The following NAV1 variants were observed in gnomAD, a reference collection of about 807,000 sequenced individuals.
NAV1 encodes neuron navigator 1, also known as pore membrane and/or filament interacting like protein 3.
A neutral mutation model predicts 175.2 loss-of-function variants in NAV1; 18 were observed. The observed-to-expected ratio is 0.10, with a 90% CI of 0.07 to 0.15. The LOEUF (loss-of-function observed/expected upper bound fraction) is 0.15, where lower values mean the gene tolerates loss of function less well. NAV1 is among the 10% of genes least tolerant of loss of function. NAV1 has a pLI of 1.00. For synonymous variants in NAV1, 897 were observed against 978.7 expected (o/e 0.92, Z 1.56); for missense variants, 1,731 against 2,436.6 (o/e 0.71, Z 6.10).
chr1:201,799,374 C>T (rs1197449071), intron 15 of NAV1, among the ~76,000 whole-genome samples: 1 of 152,188 alleles, frequency 6.6e-6, no homozygotes, highest in East Asian at 1.9e-4. Context: ...CCAGGCTTAA[C>T]TTGGCAAGGA....
intron 15 of NAV1, chr1:201,798,530 T>C (rs1347913672): frequency 6.7e-6 from 1 of 149,264 alleles, no homozygotes; most frequent in Non-Finnish European, 1.5e-5. Flanking sequence ...GAGGACTGCT[T>C]GAGCCCAGGA....
At position 201,788,644 on chromosome 1, in the gene NAV1, A is replaced by C; in HGVS notation, c.3166+6A>C. 6.2e-7 allele frequency: 1 copy of C among 1,607,012 alleles called. No individual in the cohort carries two copies. Among genetic ancestry groups the C allele is most frequent in the Non-Finnish European group, 8.5e-7 (1 of 1,175,980 alleles). On this transcript the variant is annotated splice_donor_region_variant and intron_variant, in intron 10 of 29. Transcript: ENST00000367296. The surrounding 1 kb of genome is among the most constrained non-coding windows in gnomAD (Gnocchi z 5.7). ...CCGAGACCCCACGGACGATGGTGAG[A>C]CTTCATGCTAGCGCGGTTCACGCTC... is the stretch of plus-strand genomic sequence containing the variant.
chr1:201,798,588 G>A (rs534699039), intron 15 of NAV1: 3 of 141,472 alleles, frequency 2.1e-5, no homozygotes, highest in African/African-American at 2.7e-5. Flanking sequence ...TCCAGCCTGG[G>A]TGAGAGAGAG....
chr1:201,564,989 T>C (rs1666311460), intron 1 of NAV1, among the ~76,000 whole-genome samples: 1 of 152,216 alleles, frequency 6.6e-6, no homozygotes, highest in South Asian at 2.1e-4. Context: ...TGGACCCATT[T>C]GCATAATCCA....
chr1:201,805,025 G>A (rs929788773), intron 17 of NAV1, among the ~76,000 whole-genome samples: 1 of 152,134 alleles, frequency 6.6e-6, no homozygotes, highest in African/African-American at 2.4e-5. Context: ...TCACCCCAAA[G>A]CCTAAAACTG....
intron 8 of NAV1, 149 bp downstream of exon 12, chr1:201,785,500 T>C: frequency 2.5e-6 from 2 of 807,360 alleles, no homozygotes; most frequent in South Asian, 1.7e-5. Context: ...AAGTACCACC[T>C]AGTACCTTGC....
intron 1 of NAV1, among the ~76,000 whole-genome samples, chr1:201,679,333 C>T (rs1670379082): frequency 6.6e-6 from 1 of 152,104 alleles, no homozygotes. Flanking sequence ...ATGAGCAGCC[C>T]AGAGCTCCTT....
intron 1 of NAV1, among the ~76,000 whole-genome samples, chr1:201,552,535 G>A (rs1233710778): frequency 6.6e-6 from 1 of 152,084 alleles, no homozygotes; most frequent in Non-Finnish European, 1.5e-5. Context: ...ACAGGCTTTG[G>A]AGTCAGCCTG....
intron 2 of NAV1, among the ~76,000 whole-genome samples, chr1:201,595,055 G>A (rs1478890133): frequency 6.6e-6 from 1 of 152,198 alleles, no homozygotes; most frequent in East Asian, 1.9e-4. Flanking sequence ...TCTCTAGTGT[G>A]GACCTGCCAC....
At chr1:201,719,218 T>A (rs1248082729) in intron 3 of NAV1, among the ~76,000 whole-genome samples, 1 of 148,838 alleles carries the variant, frequency 6.7e-6, no homozygotes, top group Non-Finnish European at 1.5e-5. Flanking sequence ...GAAGAGAAAA[T>A]GAGAGCTTGT....
intron 1 of NAV1, among the ~76,000 whole-genome samples, chr1:201,711,964 A>G (rs900631292): frequency 6.6e-6 from 1 of 152,330 alleles, no homozygotes; most frequent in Middle Eastern, 3.4e-3. Flanking sequence ...TCATCCGTCC[A>G]GGCTAATATC....
At chr1:201,606,328 T>C (rs1667675313) in intron 2 of NAV1, among the ~76,000 whole-genome samples, 1 of 152,186 alleles carries the variant, frequency 6.6e-6, no homozygotes, top group African/African-American at 2.4e-5. Flanking sequence ...TTGTTCAAGG[T>C]AGACAGTGCA....
At chr1:201,814,473 G>C (rs186924398) in intron 28 of NAV1, among the ~76,000 whole-genome samples, 1 of 152,080 alleles carries the variant, frequency 6.6e-6, no homozygotes, top group Non-Finnish European at 1.5e-5. Context: ...GTAAATTAGG[G>C]TATGATGATC....
At chr1:201,662,782 G>A (rs1282499504) in intron 1 of NAV1, among the ~76,000 whole-genome samples, 1 of 152,166 alleles carries the variant, frequency 6.6e-6, no homozygotes, top group Non-Finnish European at 1.5e-5. Flanking sequence ...ACCTAGAGGC[G>A]ACTAGTGCTC....
chr1:201,670,486 TAG>T (rs981676742), intron 1 of NAV1, among the ~76,000 whole-genome samples: 2 of 146,772 alleles, frequency 1.4e-5, no homozygotes, highest in Non-Finnish European at 3.0e-5. Flanking sequence ...GAGGAGCAAC[TAG>T]AGTGTCCTGA....
intron 3 of NAV1, among the ~76,000 whole-genome samples, chr1:201,743,924 GC>G (rs938480578): frequency 6.6e-6 from 1 of 152,192 alleles, no homozygotes; most frequent in African/African-American, 2.4e-5. Flanking sequence ...GGAGTTTCGA[GC>G]CCAGGCTGGA....
chr1:201,635,494 G>A (rs1668596560), intron 2 of NAV1, among the ~76,000 whole-genome samples: 1 of 152,184 alleles, frequency 6.6e-6, no homozygotes, highest in Non-Finnish European at 1.5e-5. Flanking sequence ...AACCTGTGCA[G>A]CTGTACGTGA....
At chr1:201,599,194 C>T (rs1477938735) in intron 2 of NAV1, among the ~76,000 whole-genome samples, 1 of 152,224 alleles carries the variant, frequency 6.6e-6, no homozygotes, top group Non-Finnish European at 1.5e-5. Flanking sequence ...AGGTCACACT[C>T]TCTTTGGATC....
At chr1:201,789,751 G>A in exon 11 of NAV1, 1 of 1,614,110 alleles carries the variant, frequency 6.2e-7, no homozygotes, top group Non-Finnish European at 8.5e-7. Context: ...TCACGGCTCA[G>A]TGCTGTCCCT....
Sources: allele counts gnomAD v4.1 joint callset (sites outside exome capture counted in the v4.1 genomes callset), GRCh38; gene constraint gnomAD v4.1.1; non-coding constraint Gnocchi (gnomAD v3.1); transcripts MANE v1.5; gene names NCBI Gene and HGNC (gene_info 2026-07-23, HGNC 2026-07-21).